The following PDE10A variants were observed in gnomAD, a reference collection of about 807,000 sequenced individuals.
PDE10A encodes cAMP and cAMP-inhibited cGMP 3',5'-cyclic phosphodiesterase 10A.
A neutral mutation model predicts 97.7 loss-of-function variants in PDE10A; 39 were observed. That is an observed-to-expected ratio of 0.40 (90% CI 0.31 to 0.52). The LOEUF is 0.52. Ranked by LOEUF, PDE10A falls within the 20% of genes least tolerant of loss-of-function variation. The pLI, the probability that PDE10A is intolerant of heterozygous loss-of-function variation, is 0.56. For synonymous variants in PDE10A, 371 were observed against 376.8 expected (o/e 0.98, Z 0.18); for missense variants, 731 against 1,047.8 (o/e 0.70, Z 4.17).
intron 17 of PDE10A, among the ~76,000 whole-genome samples, chr6:165,385,119 T>C (rs1032181627): frequency 6.6e-6 from 1 of 152,084 alleles, no homozygotes; most frequent in African/African-American, 2.4e-5. Flanking sequence ...AAGGATAGCA[T>C]CTTAATTAGT....
intron 1 of PDE10A, among the ~76,000 whole-genome samples, chr6:165,779,209 C>T (rs1167389736): frequency 3.3e-5 from 5 of 152,136 alleles, no homozygotes; most frequent in East Asian, 1.9e-4. Flanking sequence ...TTTTCCCCTA[C>T]GCGTAACAAA....
intron 1 of PDE10A, among the ~76,000 whole-genome samples, chr6:165,572,386 C>T (rs1785090434): frequency 6.6e-6 from 1 of 152,134 alleles, no homozygotes; most frequent in Non-Finnish European, 1.5e-5. Context: ...ATGAAAGTTG[C>T]TTTAAAAAAC....
chr6:165,853,922 A>T (rs1252677935), intron 1 of PDE10A, among the ~76,000 whole-genome samples: 2 of 152,178 alleles, frequency 1.3e-5, no homozygotes, highest in Non-Finnish European at 2.9e-5. Flanking sequence ...GAAGGCAACC[A>T]GGCACTGCTC....
chr6:165,647,301 C>A (rs574746557), intron 1 of PDE10A, among the ~76,000 whole-genome samples: 1 of 152,214 alleles, frequency 6.6e-6, no homozygotes, highest in African/African-American at 2.4e-5. Context: ...ACTCTGCCCC[C>A]GGAGCTGCCA....
chr6:165,450,344 G>T lies in PDE10A; in HGVS notation c.1042C>A (p.Gln348Lys). 1 of 1,542,308 alleles carries T rather than the reference G, an allele frequency of 6.5e-7. No homozygotes were observed. Among genetic ancestry groups the T allele is most frequent in the Non-Finnish European group, 8.9e-7 (1 of 1,127,034 alleles). Residue 348 changes from glutamine to lysine, a missense_variant, in exon 4 of 22, where the codon CAG becomes AAG. Coordinates refer to ENST00000539869, the MANE Select transcript of PDE10A (RefSeq NM_001385079.1). ...CTGTTTAGTTCATATACAACTCCCT[G>T]CATATTCGTATCTTGGTACTTTGGA... is the stretch of plus-strand genomic sequence containing the variant. ...EVSRYQDTNM[Q>K]GVVYELNSYI...
intron 1 of PDE10A, among the ~76,000 whole-genome samples, chr6:165,892,708 C>A (rs1781838842): frequency 6.6e-6 from 1 of 152,198 alleles, no homozygotes; most frequent in Non-Finnish European, 1.5e-5. Flanking sequence ...TGCTCAGCAG[C>A]CCACTTCGAA....
At chr6:165,840,928 G>A (rs1050255087) in intron 1 of PDE10A, among the ~76,000 whole-genome samples, 1 of 152,174 alleles carries the variant, frequency 6.6e-6, no homozygotes, top group Non-Finnish European at 1.5e-5. Flanking sequence ...CCCATTTTGG[G>A]GATGGCCCTT....
intron 10 of PDE10A, 82 bp downstream of exon 10, chr6:165,428,576 A>G (rs752238431): frequency 6.7e-5 from 44 of 653,752 alleles, no homozygotes; most frequent in Non-Finnish European, 1.1e-4. Flanking sequence ...CTGTGGATGA[A>G]TAAGTTTAAA....
At chr6:165,825,974 G>C (rs1175008317) in intron 1 of PDE10A, among the ~76,000 whole-genome samples, 4 of 152,240 alleles carry the variant, frequency 2.6e-5, no homozygotes, top group African/African-American at 9.6e-5. Context: ...ATTAGTAATA[G>C]TTTCAAAAGG....
At position 165,815,956 on chromosome 6, in the gene PDE10A, C is replaced by CT. The variant is rs35107104; in HGVS notation, c.-615+171572dup. Among the ~76,000 whole-genome samples the CT allele has an allele frequency of 3.2e-3, 468 of 147,566 alleles. 2 individuals carry two copies. Among genetic ancestry groups the CT allele is most frequent in the Non-Finnish European group, 5.2e-3 (348 of 66,650 alleles). ...TCCAGGCTCATATTTTCTTTTTTATCTTTTTTTTTTTGAAATGGAGTCTCA... is the reference window on the plus strand; with the variant it reads ...TCCAGGCTCATATTTTCTTTTTTATCTTTTTTTTTTTTGAAATGGAGTCTCA... On this transcript the variant is annotated intron_variant, in intron 1 of 19. Transcript: ENST00000366882.
intron 5 of PDE10A, among the ~76,000 whole-genome samples, chr6:165,443,111 CAAAAAAAA>C (rs149435215): frequency 3.3e-5 from 2 of 60,396 alleles, no homozygotes; most frequent in East Asian, 5.5e-4. Context: ...GGCTCTGTCT[CAAAAAAAA>C]AAAAAAAAAA....
intron 1 of PDE10A, among the ~76,000 whole-genome samples, chr6:165,791,143 C>T (rs969431892): frequency 1.3e-5 from 2 of 151,904 alleles, no homozygotes; most frequent in African/African-American, 4.8e-5. Context: ...AGATGGGGGT[C>T]TCACTATGTT....
At chr6:165,434,400 A>C (rs1000758994) in intron 6 of PDE10A, among the ~76,000 whole-genome samples, 1 of 151,532 alleles carries the variant, frequency 6.6e-6, no homozygotes, top group Non-Finnish European at 1.5e-5. Context: ...ACTTAGAGCA[A>C]TTTTTTTACA....
At chr6:165,431,290 G>T in intron 8 of PDE10A, 132 bp downstream of exon 8, 1 of 511,990 alleles carries the variant, frequency 2.0e-6, no homozygotes, top group Non-Finnish European at 3.6e-6. Context: ...AAAATTTCTA[G>T]AAATAACAGA....
Position 165,379,300 on chromosome 6 carries a change from G to T in PDE10A, c.2677C>A (p.Arg893Ser). ...SEYEQVLEII[R>S]KAIIATDLAL... The stretch of plus-strand genomic sequence containing the variant: ...AGGTCTGTGGCAATGATGGCTTTGC[G>T]GATGATCTCAAGCACCTGCTCATAT... Residue 893 changes from arginine to serine, a missense_variant, in exon 18 of 22, where the codon CGC (arginine) becomes AGC (serine). Coordinates refer to ENST00000539869, the MANE Select transcript of PDE10A (RefSeq NM_001385079.1). 1 of 1,613,320 alleles carries T rather than the reference G, an allele frequency of 6.2e-7. No individual in the cohort carries two copies. The highest frequency in any genetic ancestry group is 8.5e-7 in the Non-Finnish European group (1 of 1,179,368).
intron 1 of PDE10A, among the ~76,000 whole-genome samples, chr6:165,886,488 T>C (rs1781636858): frequency 6.6e-6 from 1 of 152,184 alleles, no homozygotes; most frequent in Non-Finnish European, 1.5e-5. Context: ...AGTCAGAAGA[T>C]AGCCTGGGGC....
At chr6:165,544,996 C>G (rs567926366) in intron 1 of PDE10A, among the ~76,000 whole-genome samples, 3 of 152,036 alleles carry the variant, frequency 2.0e-5, no homozygotes, top group African/African-American at 7.2e-5. Flanking sequence ...AAGTGCTCTC[C>G]TGGCACAGCA....
chr6:165,674,550 C>G (rs1338137031), intron 1 of PDE10A, among the ~76,000 whole-genome samples: 2 of 152,176 alleles, frequency 1.3e-5, no homozygotes, highest in Non-Finnish European at 2.9e-5. Flanking sequence ...CCGCCAACGA[C>G]TGGCTCCTGG....
At chr6:165,619,304 GTAGTGTAGTC>G (rs1177777835) in intron 1 of PDE10A, among the ~76,000 whole-genome samples, 2 of 79,762 alleles carry the variant, frequency 2.5e-5, no homozygotes. Flanking sequence ...CTAGTGTAGT[GTAGTGTAGTC>G]TAGTGTGGTG....
Sources: allele counts gnomAD v4.1 joint callset (sites outside exome capture counted in the v4.1 genomes callset), GRCh38; gene constraint gnomAD v4.1.1; transcripts MANE v1.5; gene names NCBI Gene and HGNC (gene_info 2026-07-23, HGNC 2026-07-21).